The following L3MBTL4 variants were observed in gnomAD, a reference collection of about 807,000 sequenced individuals.
L3MBTL4 encodes lethal(3)malignant brain tumor-like protein 4.
In L3MBTL4, 70 loss-of-function variants were observed where a neutral mutation model predicts 84.5. The ratio of observed to expected loss-of-function variants is 0.83; its 90% CI spans 0.68 to 1.01. The LOEUF (loss-of-function observed/expected upper bound fraction) is 1.01, where lower values mean the gene tolerates loss of function less well. Among genes scored for constraint, L3MBTL4 ranks in the 50% least tolerant of loss-of-function variants. The pLI is 0.00. For synonymous variants in L3MBTL4, 274 were observed against 259.8 expected (o/e 1.05, Z -0.52); for missense variants, 715 against 754.8 (o/e 0.95, Z 0.62).
Position 6,005,537 on chromosome 18 carries a change from T to C in L3MBTL4, c.1445-35975A>G, listed in dbSNP as rs930874328. Among the ~76,000 whole-genome samples the C allele has an allele frequency of 3.9e-5, 6 of 152,320 alleles. No homozygotes were observed. In the South Asian group the frequency reaches 6.2e-4, roughly 16 times the overall value. ...CTGCTGTCTGTGGTTCTCTTCCTTG[T>C]GTCCATATGAACTCGATGTTTAGCT... On this transcript the variant is annotated intron_variant, in intron 16 of 18. Coordinates refer to ENST00000317931, the MANE Select transcript of L3MBTL4 (RefSeq NM_001330559.2).
intron 13 of L3MBTL4, among the ~76,000 whole-genome samples, chr18:6,141,503 G>T (rs879562086): frequency 6.6e-6 from 1 of 152,012 alleles, no homozygotes; most frequent in Non-Finnish European, 1.5e-5. Flanking sequence ...TGAACCTATC[G>T]TCTTGTCCCC....
At chr18:6,240,832 G>A (rs1017803346) in intron 8 of L3MBTL4, among the ~76,000 whole-genome samples, 5 of 152,258 alleles carry the variant, frequency 3.3e-5, no homozygotes, top group African/African-American at 9.6e-5. Flanking sequence ...TGGCAGAGCC[G>A]ACTTCTGGAG....
At chr18:6,340,967 TTTG>T (rs757490483) in intron 1 of L3MBTL4, among the ~76,000 whole-genome samples, 2 of 152,098 alleles carry the variant, frequency 1.3e-5, no homozygotes, top group Non-Finnish European at 2.9e-5. Context: ...CAGGCCTGGC[TTTG>T]TGGGATTGAA....
At chr18:5,963,561 A>C (rs1221945813) in intron 17 of L3MBTL4, among the ~76,000 whole-genome samples, 2 of 152,208 alleles carry the variant, frequency 1.3e-5, no homozygotes, top group East Asian at 3.9e-4. Context: ...TTTTGGAAAG[A>C]GATTCCCATT....
intron 3 of L3MBTL4, among the ~76,000 whole-genome samples, chr18:6,309,069 C>T (rs907065603): frequency 1.3e-5 from 2 of 152,060 alleles, no homozygotes; most frequent in African/African-American, 2.4e-5. Context: ...GAAAATGTTC[C>T]GAAACACCCA....
At chr18:6,009,349 G>A (rs1226144554) in intron 16 of L3MBTL4, among the ~76,000 whole-genome samples, 1 of 152,172 alleles carries the variant, frequency 6.6e-6, no homozygotes, top group Admixed American at 6.5e-5. Flanking sequence ...AGGACAGACT[G>A]GGTGAAGACC....
intron 1 of L3MBTL4, among the ~76,000 whole-genome samples, chr18:6,400,759 A>G (rs2055476987): frequency 6.6e-6 from 1 of 152,186 alleles, no homozygotes; most frequent in African/African-American, 2.4e-5. Context: ...CTCTGCTCAT[A>G]CAGGCAATAA....
At chr18:6,350,437 A>G (rs1237602607) in intron 1 of L3MBTL4, among the ~76,000 whole-genome samples, 1 of 152,224 alleles carries the variant, frequency 6.6e-6, no homozygotes, top group African/African-American at 2.4e-5. Flanking sequence ...ATGGGCAAAG[A>G]ACTTGAACAG....
intron 1 of L3MBTL4, among the ~76,000 whole-genome samples, chr18:6,317,365 A>T (rs1208152015): frequency 6.6e-6 from 1 of 152,192 alleles, no homozygotes; most frequent in Non-Finnish European, 1.5e-5. Context: ...AAAATTCAAG[A>T]TATAAATGAA....
chr18:6,395,880 T>C (rs114893975), intron 1 of L3MBTL4: 1 of 152,268 alleles, frequency 6.6e-6, no homozygotes, highest in African/African-American at 2.4e-5. Context: ...CCCAATGTCT[T>C]AAAATAAGTA....
chr18:6,155,146 A>T (rs2043050678), intron 13 of L3MBTL4, among the ~76,000 whole-genome samples: 1 of 152,174 alleles, frequency 6.6e-6, no homozygotes, highest in Non-Finnish European at 1.5e-5. Flanking sequence ...CTTGGAGAAG[A>T]GGTTTGGTAA....
intron 16 of L3MBTL4, among the ~76,000 whole-genome samples, chr18:5,991,543 C>T (rs2053699815): frequency 6.6e-6 from 1 of 152,088 alleles, no homozygotes; most frequent in African/African-American, 2.4e-5. Context: ...ATAATAGTAA[C>T]CTGTTTAATT....
intron 1 of L3MBTL4, among the ~76,000 whole-genome samples, chr18:6,377,665 T>A (rs868633958): frequency 6.6e-6 from 1 of 152,250 alleles, no homozygotes; most frequent in Non-Finnish European, 1.5e-5. Flanking sequence ...TCCTTTTTTA[T>A]GGCTGCATAG....
chr18:6,100,424 T>G (rs1355137994), intron 14 of L3MBTL4, among the ~76,000 whole-genome samples: 1 of 152,212 alleles, frequency 6.6e-6, no homozygotes, highest in African/African-American at 2.4e-5. Context: ...TAAAATTGCT[T>G]GTTGAATCAT....
At chr18:6,305,541 C>T (rs141004955) in intron 3 of L3MBTL4, among the ~76,000 whole-genome samples, 1 of 152,224 alleles carries the variant, frequency 6.6e-6, no homozygotes, top group Admixed American at 6.5e-5. Context: ...GAAATCAATA[C>T]AAAATGCGAA....
At position 6,393,458 on chromosome 18, in the gene L3MBTL4, T is replaced by C. The variant is rs142326348; in HGVS notation, c.-91+21343A>G. On this transcript the variant is annotated intron_variant, in intron 1 of 18. Transcript: ENST00000317931. ...AAGCCCACAATGCTCCAACAACTAA[T>C]GCTAATGCTAGAAGCTAACATTTAT... 3.6e-4 allele frequency among the ~76,000 whole-genome samples: 55 copies of C among 152,306 alleles called. No homozygotes were observed. The South Asian group carries it at 3.7e-3, about 10-fold the overall frequency.
chr18:6,303,401 A>T (rs1201207109), intron 3 of L3MBTL4, among the ~76,000 whole-genome samples: 1 of 152,152 alleles, frequency 6.6e-6, no homozygotes, highest in East Asian at 1.9e-4. Context: ...GATTACAGGC[A>T]TGCACCACTG....
At chr18:6,037,652 C>T (rs986623593) in intron 16 of L3MBTL4, among the ~76,000 whole-genome samples, 2 of 152,240 alleles carry the variant, frequency 1.3e-5, no homozygotes, top group Non-Finnish European at 2.9e-5. Context: ...CATCTACTAA[C>T]AGGTGAAGTA....
intron 14 of L3MBTL4, among the ~76,000 whole-genome samples, chr18:6,136,503 G>T (rs1394778116): frequency 6.6e-6 from 1 of 152,168 alleles, no homozygotes; most frequent in Non-Finnish European, 1.5e-5. Context: ...ATCTCTGATT[G>T]GTTGTAGACA....
Sources: gnomAD v4.1 joint callset for allele counts (sites outside exome capture counted in the v4.1 genomes callset) on GRCh38, gnomAD v4.1.1 for gene constraint, MANE v1.5 for transcripts, NCBI Gene and HGNC (gene_info 2026-07-23, HGNC 2026-07-21) for gene names.